CTSC: variants seen among roughly 807,000 people sequenced by gnomAD.
The protein encoded by CTSC is cathepsin C.
In CTSC, 37 loss-of-function variants were observed where a neutral mutation model predicts 40.9. The ratio of observed to expected loss-of-function variants is 0.91; its 90% confidence interval spans 0.70 to 1.19. CTSC has a LOEUF of 1.19. Ranked by LOEUF, CTSC falls within the 50% of genes most tolerant of loss-of-function variation. CTSC has a pLI of 0.00. For missense variants in CTSC, 594 were observed against 567.3 expected (o/e 1.05, Z -0.48); for synonymous variants, 232 against 207.4 (o/e 1.12, Z -1.02).
In CTSC at chr11:88,303,980, G is replaced by A. The variant is rs77882031; in HGVS notation, c.642-3335C>T. On this transcript the variant is annotated intron_variant, in intron 4 of 6. Transcript: ENST00000227266. ...CTTCTGAGGCCTAATGTGCCCCAACGTTAAAAGATAGTGACAAGGGCTATG... is the reference window on the plus strand; with the variant it reads ...CTTCTGAGGCCTAATGTGCCCCAACATTAAAAGATAGTGACAAGGGCTATG... 8.0e-3 allele frequency among the ~76,000 whole-genome samples: 1,219 copies of A among 151,950 alleles called. 12 individuals are homozygous for A. The highest frequency in any genetic ancestry group is 0.026 in the African/African-American group (1,092 of 41,436).
rs150144396 is a variant in CTSC, at chr11:88,336,419, ATCCTAGCTAC to A, written c.172+1072_172+1081del. Among the ~76,000 whole-genome samples, 1,143 of 151,628 alleles carry A rather than the reference ATCCTAGCTAC, an allele frequency of 7.5e-3. 13 individuals are homozygous for A. Among genetic ancestry groups the A allele is most frequent in the African/African-American group, 0.026 (1,066 of 41,286 alleles). On this transcript the variant is annotated intron_variant, in intron 1 of 6. Transcript: ENST00000227266. ...CCGGGCGTGGTGGCATGTGCCCGTA[ATCCTAGCTAC>A]TCGGGAGACTGAGGCAGGAGAATCG...
Position 88,309,327 on chromosome 11 carries a change from A to G in CTSC, c.486-9T>C, listed in dbSNP as rs757022817. 4 of 1,608,000 alleles carry G rather than the reference A, an allele frequency of 2.5e-6. No homozygotes were observed. Among genetic ancestry groups the G allele is most frequent in the African/African-American group, 2.7e-5 (2 of 74,772 alleles). On this transcript the variant is annotated splice_polypyrimidine_tract_variant and intron_variant, in intron 3 of 6. Transcript: ENST00000227266. ...AGAGCCTATTAGAATACCTGTCCCCAAAAATGAGATAATTTCAGATATAGT... is the reference window on the plus strand; with the variant it reads ...AGAGCCTATTAGAATACCTGTCCCCGAAAATGAGATAATTTCAGATATAGT...
chr11:88,326,543 ACC>A, intron 2 of CTSC: 4 of 761,166 alleles, frequency 5.3e-6, no homozygotes, highest in Non-Finnish European at 6.6e-6. Context: ...AAAAAAAAAT[ACC>A]AGCACTGATA....
At chr11:88,315,833 C>T (rs1476347678) in intron 2 of CTSC, among the ~76,000 whole-genome samples, 1 of 151,760 alleles carries the variant, frequency 6.6e-6, no homozygotes, top group Non-Finnish European at 1.5e-5. Context: ...ACAGAAAAGG[C>T]TTTTTTTTAA....
At chr11:88,320,100 T>C (rs1937965235) in intron 2 of CTSC, among the ~76,000 whole-genome samples, 1 of 152,176 alleles carries the variant, frequency 6.6e-6, no homozygotes, top group African/African-American at 2.4e-5. Flanking sequence ...TAGCTATAGT[T>C]TTCTGCCTAT....
chr11:88,327,919 A>T, intron 2 of CTSC: 1 of 604,118 alleles, frequency 1.7e-6, no homozygotes, highest in Non-Finnish European at 2.9e-6. Context: ...TAAAGTAGAA[A>T]ATTACTCACA....
Position 88,296,253 on chromosome 11 carries a change from T to A in CTSC, c.769A>T (p.Ser257Cys), listed in dbSNP as rs771218474. The change falls in exon 6 of 7, where the codon AGC (serine) becomes TGC (cysteine). Residue 257 changes from serine (S) to cysteine (C), a missense_variant. By Grantham distance (112) the Ser-to-Cys change is moderately radical (BLOSUM62 -1). Coordinates refer to ENST00000227266, the MANE Select transcript of CTSC (RefSeq NM_001814.6). ...CCCATAGAAGCAAATGAGTAGCAGC[T>A]GCCACAGGATGCTGGCGATGAAAAA... The part of the protein sequence containing the change: ...SPVRNQASCG[S>C]CYSFASMGML... 6.2e-7 allele frequency: 1 copy of A among 1,613,936 alleles called. No homozygotes were observed. The highest frequency in any genetic ancestry group is 2.2e-5 in the East Asian group (1 of 44,880).
At chr11:88,323,383 C>T (rs776331705) in intron 2 of CTSC, 12 of 152,078 alleles carry the variant, frequency 7.9e-5, no homozygotes, top group Non-Finnish European at 1.3e-4. Context: ...CCTCTCTCAC[C>T]ATTCTTATTC....
intron 3 of CTSC, among the ~76,000 whole-genome samples, chr11:88,310,429 C>G (rs1937727899): frequency 6.6e-6 from 1 of 151,718 alleles, no homozygotes; most frequent in Non-Finnish European, 1.5e-5. Context: ...AAAAAAGAGT[C>G]TGTGGTTTCA....
At chr11:88,325,709 A>C in intron 2 of CTSC, 1 of 985,340 alleles carries the variant, frequency 1.0e-6, no homozygotes, top group Non-Finnish European at 1.2e-6. Context: ...GAAAAGAAAA[A>C]AAATAGGGTG....
Position 88,334,967 on chromosome 11 carries a change from C to CA in CTSC, c.287dup (p.Leu96PhefsTer3). ...AAAAGGCAAACCACTTGTAGTCATTCAACACAATCTCAAAGCCTTGGTTGT... is the reference window on the plus strand; with the variant it reads ...AAAAGGCAAACCACTTGTAGTCATTCAAACACAATCTCAAAGCCTTGGTTGT... On this transcript the variant is annotated frameshift_variant, in exon 2 of 7. Coordinates refer to ENST00000227266, the MANE Select transcript of CTSC (RefSeq NM_001814.6). LOFTEE classifies it high-confidence loss of function. 1 of 1,612,768 alleles carries CA rather than the reference C, an allele frequency of 6.2e-7. No individual in the cohort carries two copies. The highest frequency in any genetic ancestry group is 8.5e-7 in the Non-Finnish European group (1 of 1,179,046).
intron 2 of CTSC, among the ~76,000 whole-genome samples, chr11:88,312,848 A>C (rs1937794448): frequency 6.6e-6 from 1 of 152,234 alleles, no homozygotes; most frequent in Non-Finnish European, 1.5e-5. Flanking sequence ...TGGCATATTC[A>C]AGGCATTTTT....
At chr11:88,316,385 G>GA (rs752548004) in intron 2 of CTSC, among the ~76,000 whole-genome samples, 5 of 152,024 alleles carry the variant, frequency 3.3e-5, no homozygotes, top group South Asian at 4.2e-4. Flanking sequence ...GAGGTTGGGG[G>GA]AATCACTTGA....
At chr11:88,335,450 C>T (rs560054322) in intron 1 of CTSC, among the ~76,000 whole-genome samples, 4 of 152,224 alleles carry the variant, frequency 2.6e-5, no homozygotes, top group East Asian at 1.9e-4. Context: ...GGTGCATTGC[C>T]TGTAGTCCCA....
At chr11:88,315,676 C>CA (rs957198872) in intron 2 of CTSC, among the ~76,000 whole-genome samples, 9 of 151,324 alleles carry the variant, frequency 5.9e-5, no homozygotes, top group East Asian at 3.9e-4. Flanking sequence ...TCTTGGGGGA[C>CA]AAAAAAAAGA....
Position 88,325,345 on chromosome 11 carries a change from G to C in CTSC, c.318+9592C>G, listed in dbSNP as rs994851934. 1.2e-5 allele frequency: 12 copies of C among 985,288 alleles called. No individual in the cohort carries two copies. In the African/African-American group the frequency reaches 2.1e-4, roughly 17 times the overall value. 61.0% of individuals were successfully genotyped at this position (985,288 alleles called of 1,614,324 possible). A position where few individuals can be genotyped will look rare whatever the true frequency, so the allele number is the denominator to read the frequency against. ...AGAAAGTCAGTAGCCTAATAGCTAA[G>C]GAAACCTAAGCTTCAAGGCAGTTCT... On this transcript the variant is annotated intron_variant, in intron 2 of 6. Transcript: ENST00000227266.
chr11:88,321,988 G>A (rs948581467), intron 2 of CTSC: 1 of 152,148 alleles, frequency 6.6e-6, no homozygotes, highest in Non-Finnish European at 1.5e-5. Flanking sequence ...ATTTTGATAT[G>A]CACGTCTCTA....
intron 5 of CTSC, chr11:88,297,925 A>G (rs1185878152): frequency 6.6e-6 from 1 of 152,224 alleles, no homozygotes; most frequent in Admixed American, 6.5e-5. Flanking sequence ...TTCATATGGT[A>G]TAACTATGTT....
At chr11:88,326,137 A>T in intron 2 of CTSC, 3 of 1,312,080 alleles carry the variant, frequency 2.3e-6, no homozygotes, top group Non-Finnish European at 1.9e-6. Flanking sequence ...GCCACCCAAG[A>T]TTTTGCATCT....
Sources: gnomAD v4.1 joint callset for allele counts (sites outside exome capture counted in the v4.1 genomes callset) on GRCh38, gnomAD v4.1.1 for gene constraint, MANE v1.5 for transcripts, NCBI Gene and HGNC (gene_info 2026-07-23, HGNC 2026-07-21) for gene names.